BMPR1B: variants seen among roughly 807,000 people sequenced by gnomAD.
The protein encoded by BMPR1B is bone morphogenetic protein receptor type-1B.
BMPR1B carries 12 observed loss-of-function variants against 59.1 expected under a neutral mutation model. That is an observed-to-expected ratio of 0.20 (90% confidence interval 0.13 to 0.33). The LOEUF is 0.33. BMPR1B is among the 10% of genes least tolerant of loss of function. The pLI is 1.00. For synonymous variants in BMPR1B, 237 were observed against 207.3 expected (o/e 1.14, Z -1.23); for missense variants, 550 against 610.9 (o/e 0.90, Z 1.05).
At chr4:94,830,510 T>C (rs554096710) in intron 1 of BMPR1B, among the ~76,000 whole-genome samples, 32 of 152,314 alleles carry the variant, frequency 2.1e-4, no homozygotes, top group African/African-American at 7.5e-4. Flanking sequence ...TAATTTTAGA[T>C]TGTTCCTCTC....
chr4:94,762,214 C>T (rs1721801218), intron 1 of BMPR1B, among the ~76,000 whole-genome samples: 1 of 151,530 alleles, frequency 6.6e-6, no homozygotes, highest in Admixed American at 6.6e-5. Context: ...CACTGTTATA[C>T]ACTGTGGGGA....
intron 1 of BMPR1B, among the ~76,000 whole-genome samples, chr4:94,872,895 A>G (rs1252230898): frequency 6.6e-6 from 1 of 152,194 alleles, no homozygotes; most frequent in Non-Finnish European, 1.5e-5. Context: ...TAGAGTGAAG[A>G]GATTTCAGTT....
intron 1 of BMPR1B, among the ~76,000 whole-genome samples, chr4:94,764,501 T>A (rs2110560212): frequency 6.6e-6 from 1 of 152,298 alleles, no homozygotes. Context: ...GCCCACACCC[T>A]GTTACATTGT....
At chr4:94,951,405 G>C (rs536562745) in intron 2 of BMPR1B, among the ~76,000 whole-genome samples, 1 of 152,310 alleles carries the variant, frequency 6.6e-6, no homozygotes, top group East Asian at 1.9e-4. Flanking sequence ...TATTGGCTGT[G>C]AGGTTGTCAC....
chr4:95,077,516 C>T (rs1316721154), intron 3 of BMPR1B, among the ~76,000 whole-genome samples: 2 of 152,238 alleles, frequency 1.3e-5, no homozygotes, highest in East Asian at 1.9e-4. Flanking sequence ...GCATACCAAG[C>T]ACAAAGCGCA....
At chr4:95,041,781 A>T (rs1725670534) in intron 3 of BMPR1B, among the ~76,000 whole-genome samples, 1 of 152,272 alleles carries the variant, frequency 6.6e-6, no homozygotes, top group Non-Finnish European at 1.5e-5. Context: ...CCTCCCGCAC[A>T]GGGTGGCAGT....
intron 4 of BMPR1B, among the ~76,000 whole-genome samples, chr4:95,109,082 C>T (rs1214590689): frequency 6.6e-6 from 1 of 152,098 alleles, no homozygotes; most frequent in East Asian, 1.9e-4. Context: ...TCTGTAATCA[C>T]ATTTTTGTTT....
At chr4:94,845,808 ATCTAG>A (rs1725301939) in intron 1 of BMPR1B, among the ~76,000 whole-genome samples, 1 of 152,232 alleles carries the variant, frequency 6.6e-6, no homozygotes, top group Admixed American at 6.5e-5. Flanking sequence ...AAATATTAGT[ATCTAG>A]TCTATTTATA....
At chr4:94,883,967 A>G (rs1340641802) in intron 2 of BMPR1B, among the ~76,000 whole-genome samples, 1 of 152,180 alleles carries the variant, frequency 6.6e-6, no homozygotes, top group Non-Finnish European at 1.5e-5. Flanking sequence ...GTCAACTTTT[A>G]GTCATTTTTA....
Position 94,836,871 on chromosome 4 carries a change from C to T in BMPR1B, c.-182-38960C>T, listed in dbSNP as rs543664144. On this transcript the variant is annotated intron_variant, in intron 1 of 12. Coordinates refer to ENST00000515059, the MANE Select transcript of BMPR1B (RefSeq NM_001203.3). Reference sequence around the variant, plus strand: ...TGAATGGTATTGCCTAGGTTTTCTTCTAGGGTTTTTATGGTTTTAGGTCTG... The same window carrying T: ...TGAATGGTATTGCCTAGGTTTTCTTTTAGGGTTTTTATGGTTTTAGGTCTG... Among the ~76,000 whole-genome samples, 99 of 150,082 alleles carry T rather than the reference C, an allele frequency of 6.6e-4. 1 individual carries two copies. The highest frequency in any genetic ancestry group is 2.3e-3 in the African/African-American group (93 of 40,762).
In BMPR1B at chr4:95,116,091, A is replaced by AAAG. The variant is rs74834291; in HGVS notation, c.349+305_349+307dup. On this transcript the variant is annotated intron_variant, in intron 6 of 12. Coordinates refer to ENST00000515059, the MANE Select transcript of BMPR1B (RefSeq NM_001203.3). ...GGAGCTAGCACTCTGCTTCTCCCTG[A>AAAG]AAGTTATTCAGAAGTTGTAGTTCAC... Among the ~76,000 whole-genome samples, 6 of 152,112 alleles carry AAAG rather than the reference A, an allele frequency of 3.9e-5. No individual in the cohort carries two copies. The East Asian group carries it at 7.7e-4, about 20-fold the overall frequency.
intron 2 of BMPR1B, among the ~76,000 whole-genome samples, chr4:94,955,269 A>G (rs147201780): frequency 1.2e-3 from 188 of 152,344 alleles, no homozygotes; most frequent in African/African-American, 4.3e-3. Flanking sequence ...AGAAGACAGC[A>G]GAAACTGTGT....
At chr4:94,873,023 T>A (rs531311282) in intron 1 of BMPR1B, among the ~76,000 whole-genome samples, 91 of 152,252 alleles carry the variant, frequency 6.0e-4, no homozygotes, top group Non-Finnish European at 1.1e-3. Context: ...ACTTCACATT[T>A]ACCTGATGTG....
chr4:94,868,991 C>T (rs746398226), intron 1 of BMPR1B, among the ~76,000 whole-genome samples: 1 of 151,992 alleles, frequency 6.6e-6, no homozygotes, highest in Admixed American at 6.6e-5. Flanking sequence ...TTAGAGTGCT[C>T]TGAGGACAGG....
At chr4:94,855,234 GT>G (rs1236403886) in intron 1 of BMPR1B, among the ~76,000 whole-genome samples, 4 of 152,106 alleles carry the variant, frequency 2.6e-5, no homozygotes, top group African/African-American at 9.7e-5. Context: ...CAGTTATTAT[GT>G]TACTTGCCTT....
intron 3 of BMPR1B, among the ~76,000 whole-genome samples, chr4:95,087,482 G>A (rs1231145549): frequency 2.0e-5 from 3 of 152,056 alleles, no homozygotes; most frequent in Non-Finnish European, 4.4e-5. Flanking sequence ...CGTAATCCCA[G>A]AACTTTGGGA....
chr4:94,991,774 G>T (rs1545328), intron 2 of BMPR1B, among the ~76,000 whole-genome samples: 78,341 of 152,008 alleles, frequency 0.52, 20,858 homozygotes, highest in South Asian at 0.65. Context: ...AGTAAAATGG[G>T]GAAGCAGTAC....
intron 1 of BMPR1B, among the ~76,000 whole-genome samples, chr4:94,782,992 A>G (rs369582185): frequency 4.6e-4 from 70 of 152,234 alleles, no homozygotes; most frequent in Middle Eastern, 6.8e-3. Flanking sequence ...TGGCTGGACT[A>G]TTTTACTGCT....
Position 94,844,064 on chromosome 4 carries a change from A to C in BMPR1B, c.-182-31767A>C, listed in dbSNP as rs143169712. Among the ~76,000 whole-genome samples, 791 of 152,334 alleles carry C rather than the reference A, an allele frequency of 5.2e-3. 11 individuals are homozygous for C. The highest frequency in any genetic ancestry group is 0.018 in the African/African-American group (759 of 41,568). On this transcript the variant is annotated intron_variant, in intron 1 of 12. Transcript: ENST00000515059. ...AAGGGTACGAGCTTTCAGTTAGAAG[A>C]TGAGTAAGTTCTAGAGATCTCATGT...
Sources: allele counts gnomAD v4.1 joint callset (sites outside exome capture counted in the v4.1 genomes callset), GRCh38; gene constraint gnomAD v4.1.1; transcripts MANE v1.5; gene names NCBI Gene and HGNC (gene_info 2026-07-23, HGNC 2026-07-21).